Variants in TSPEAR observed in about 807,000 individuals in gnomAD.
The protein encoded by TSPEAR is thrombospondin-type laminin G domain and EAR repeat-containing protein.
Under a neutral mutation model 71.6 loss-of-function variants are expected in TSPEAR, and 69 were observed. That is an observed-to-expected ratio of 0.96 (90% CI 0.79 to 1.18). The LOEUF is 1.18. Among genes scored for constraint, TSPEAR ranks in the 50% most tolerant of loss-of-function variants. TSPEAR has a pLI of 0.00. For missense variants in TSPEAR, 971 were observed against 894.9 expected, an observed-to-expected ratio of 1.09 and a Z score of -1.09; for synonymous variants, 402 against 387.2, an observed-to-expected ratio of 1.04 and a Z score of -0.45.
intron 9 of TSPEAR, among the ~76,000 whole-genome samples, chr21:44,510,461 A>G (rs587769165): frequency 1.1e-4 from 17 of 152,282 alleles, no homozygotes; most frequent in African/African-American, 3.6e-4. Context: ...TCGACCAGCA[A>G]GGGCCCGGCT....
intron 1 of TSPEAR, among the ~76,000 whole-genome samples, chr21:44,617,689 C>A (rs1367668085): frequency 6.6e-6 from 1 of 152,238 alleles, no homozygotes; most frequent in African/African-American, 2.4e-5. Context: ...TCTTTCTTTG[C>A]CAATTTAATA....
intron 1 of TSPEAR, chr21:44,690,690 A>G (rs1713445034): frequency 4.3e-6 from 3 of 699,464 alleles, no homozygotes; most frequent in South Asian, 6.4e-5. Flanking sequence ...CCATAAAACT[A>G]TTAAGTAAGC....
At chr21:44,588,851 A>C (rs2095963538) in intron 1 of TSPEAR, among the ~76,000 whole-genome samples, 2 of 151,664 alleles carry the variant, frequency 1.3e-5, no homozygotes, top group Non-Finnish European at 2.9e-5. Flanking sequence ...GCATTCACAG[A>C]GACCTGGATG....
chr21:44,563,087 A>G (rs1390145795), intron 2 of TSPEAR, among the ~76,000 whole-genome samples: 2 of 152,212 alleles, frequency 1.3e-5, no homozygotes, highest in African/African-American at 2.4e-5. Context: ...CAATAATAAT[A>G]CAAAGGAGGT....
intron 1 of TSPEAR, chr21:44,574,842 T>G (rs1180547213): frequency 4.3e-6 from 7 of 1,613,630 alleles, no homozygotes; most frequent in Non-Finnish European, 5.9e-6. Context: ...CTCCTCCGTG[T>G]CCCTCCTCTG....
intron 2 of TSPEAR, chr21:44,550,813 G>T: frequency 6.5e-7 from 1 of 1,534,822 alleles, no homozygotes; most frequent in Non-Finnish European, 8.9e-7. Flanking sequence ...CAAGCTGGCT[G>T]GCAGCTAGAC....
chr21:44,638,211 G>A lies in TSPEAR; in HGVS notation c.83-70206C>T, dbSNP rs782385223. The A allele has an allele frequency of 1.1e-5, 17 of 1,572,388 alleles. No homozygotes were observed. In the South Asian group the frequency reaches 1.7e-4, roughly 15 times the overall value. On this transcript the variant is annotated intron_variant, in intron 1 of 11. Transcript: ENST00000323084. ...TGATCCGGAGTCCCTTCCCACCAGG[G>A]GCTGACCTCCCAGCTGCCCCAGCAA...
chr21:44,557,005 T>C (rs1555919926), intron 2 of TSPEAR, among the ~76,000 whole-genome samples: 1 of 152,170 alleles, frequency 6.6e-6, no homozygotes, highest in African/African-American at 2.4e-5. Flanking sequence ...TGAGATAGCA[T>C]GTACTTCCCT....
Position 44,690,142 on chromosome 21 carries a change from C to T in TSPEAR, c.82+21291G>A, listed in dbSNP as rs1003905206. ...AACCATCACCATGAGGTTGAGAAAT[C>T]GCTCTGATTTGGAACAAAACGTCAA... On this transcript the variant is annotated intron_variant, in intron 1 of 11. Coordinates refer to ENST00000323084, the MANE Select transcript of TSPEAR (RefSeq NM_144991.3). Among the ~76,000 whole-genome samples, 6 of 152,032 alleles carry T rather than the reference C, an allele frequency of 3.9e-5. No individual in the cohort carries two copies. The South Asian group carries it at 8.3e-4, about 21-fold the overall frequency.
Position 44,529,881 on chromosome 21 carries a change from G to A in TSPEAR, c.707C>T (p.Pro236Leu), listed in dbSNP as rs782305605. ...CCGTGGGATGGACAGCACCGCCAGC[G>A]GGGCGTTCCTGCTGGGACACAGCCT... ...TPRLCPSRNA[P>L]LAVLSIPRVL... is the part of the protein sequence containing the mutation. Residue 236 changes from proline to leucine, a missense_variant, in exon 5 of 12, where the codon CCG (proline) becomes CTG (leucine). Pro to Leu is a moderately conservative substitution (Grantham distance 98). Coordinates refer to ENST00000323084, the MANE Select transcript of TSPEAR (RefSeq NM_144991.3). 3 of 1,613,478 alleles carry A rather than the reference G, an allele frequency of 1.9e-6. No individual in the cohort carries two copies. Among genetic ancestry groups the A allele is most frequent in the Middle Eastern group, 1.7e-4 (1 of 6,056 alleles).
At chr21:44,681,943 T>C (rs1555948078) in intron 1 of TSPEAR, 1 of 1,613,998 alleles carries the variant, frequency 6.2e-7, no homozygotes, top group Non-Finnish European at 8.5e-7. Flanking sequence ...ACGACGGGCC[T>C]GCAGCTCACG....
chr21:44,612,843 T>A lies in TSPEAR; in HGVS notation c.83-44838A>T. 6.2e-7 allele frequency: 1 copy of A among 1,612,680 alleles called. No individual in the cohort carries two copies. The highest frequency in any genetic ancestry group is 8.5e-7 in the Non-Finnish European group (1 of 1,179,812). On this transcript the variant is annotated intron_variant, in intron 1 of 11. Coordinates refer to ENST00000323084, the MANE Select transcript of TSPEAR (RefSeq NM_144991.3). This position sits in a 1 kb window ranked among gnomAD's most constrained non-coding sequence, Gnocchi z 4.1. ...TGCCACCCGGCCTCCTGCCTGTCCT[T>A]CCTCTGCCGCCCCGCGTGCTCCCGC... is the stretch of plus-strand genomic sequence containing the variant.
In TSPEAR at chr21:44,646,601, C is replaced by G. The variant is rs782278264; in HGVS notation, c.82+64832G>C. The G allele has an allele frequency of 1.9e-6, 3 of 1,612,560 alleles. No homozygotes were observed. The African/African-American group carries it at 4.0e-5, about 22-fold the overall frequency. Reference sequence around the variant, plus strand: ...GCCCCCTCCCTGAGCCTGGTCTGCACCCCAGTGAGCTGTGTGTCCAGCCCC... The same window carrying G: ...GCCCCCTCCCTGAGCCTGGTCTGCAGCCCAGTGAGCTGTGTGTCCAGCCCC... On this transcript the variant is annotated intron_variant, in intron 1 of 11. Coordinates refer to ENST00000323084, the MANE Select transcript of TSPEAR (RefSeq NM_144991.3).
intron 1 of TSPEAR, among the ~76,000 whole-genome samples, chr21:44,681,414 C>T (rs1464546987): frequency 5.9e-5 from 9 of 152,210 alleles, no homozygotes; most frequent in African/African-American, 2.2e-4. Context: ...CTGGGAGAGA[C>T]CACATGGGCA....
chr21:44,638,158 G>A (rs1555937647), intron 1 of TSPEAR: 2 of 1,609,980 alleles, frequency 1.2e-6, no homozygotes, highest in Non-Finnish European at 8.5e-7. Flanking sequence ...GCTCTGGCCA[G>A]AAGTCCAGCT....
chr21:44,605,271 T>G (rs1981234175), intron 1 of TSPEAR, among the ~76,000 whole-genome samples: 1 of 152,174 alleles, frequency 6.6e-6, no homozygotes, highest in Admixed American at 6.5e-5. Flanking sequence ...ATCTGTACAC[T>G]GAAAACTACA....
intron 2 of TSPEAR, among the ~76,000 whole-genome samples, chr21:44,559,732 C>A (rs1325295671): frequency 6.6e-6 from 1 of 152,200 alleles, no homozygotes; most frequent in Non-Finnish European, 1.5e-5. Flanking sequence ...GGGACCATAC[C>A]TGTGCGCTAG....
At chr21:44,571,364 T>C (rs2053793695) in intron 1 of TSPEAR, among the ~76,000 whole-genome samples, 1 of 152,200 alleles carries the variant, frequency 6.6e-6, no homozygotes, top group Non-Finnish European at 1.5e-5. Flanking sequence ...GGGGAACATT[T>C]CAGACCAGAT....
At position 44,539,408 on chromosome 21, in the gene TSPEAR, A is replaced by T. The variant is rs782496517; in HGVS notation, c.304-5485T>A. On this transcript the variant is annotated intron_variant, in intron 2 of 11. Coordinates refer to ENST00000323084, the MANE Select transcript of TSPEAR (RefSeq NM_144991.3). ...GGAGGCAGGGGCACAGCAGGAGGAG[A>T]CAGGCATACAGCAGGCGGGCCGGCA... is the stretch of plus-strand genomic sequence containing the variant. The T allele has an allele frequency of 7.5e-6, 12 of 1,602,376 alleles. No homozygotes were observed. Among genetic ancestry groups the T allele is most frequent in the Middle Eastern group, 3.4e-4 (2 of 5,814 alleles).
Sources: gnomAD v4.1 joint callset for allele counts (sites outside exome capture counted in the v4.1 genomes callset) on GRCh38, gnomAD v4.1.1 for gene constraint, Gnocchi (gnomAD v3.1) non-coding constraint, MANE v1.5 for transcripts, NCBI Gene and HGNC (gene_info 2026-07-23, HGNC 2026-07-21) for gene names.